Variants in LRRIQ3 observed in about 807,000 individuals in gnomAD.
LRRIQ3 encodes leucine rich repeats and IQ motif containing 3, also known as leucine-rich repeat and IQ domain-containing protein 3.
A neutral mutation model predicts 59.3 loss-of-function variants in LRRIQ3; 75 were observed. That is an observed-to-expected ratio of 1.26 (90% CI 1.05 to 1.53). The LOEUF is 1.53. Among genes scored for constraint, LRRIQ3 ranks in the 40% most tolerant of loss-of-function variants. The probability of loss-of-function intolerance (pLI) is 0.00; values close to 1 mark genes in which losing one functional copy is unlikely to be tolerated. For synonymous variants in LRRIQ3, 250 were observed against 231.3 expected (o/e 1.08, Z -0.73); for missense variants, 831 against 710.0 (o/e 1.17, Z -1.94).
intron 7 of LRRIQ3, 68 bp downstream of exon 7, chr1:74,041,144 TA>T (rs1654031249): frequency 7.7e-7 from 1 of 1,295,130 alleles, no homozygotes; most frequent in Non-Finnish European, 1.1e-6. Context: ...TATTAGGTCT[TA>T]AAATTTAGCA....
chr1:74,162,164 A>G (rs1011580459), intron 3 of LRRIQ3, among the ~76,000 whole-genome samples: 1 of 151,878 alleles, frequency 6.6e-6, no homozygotes, highest in Non-Finnish European at 1.5e-5. Flanking sequence ...TTTTATAGCA[A>G]TACTTAAAAT....
chr1:74,176,056 T>C (rs1405372492), intron 3 of LRRIQ3, among the ~76,000 whole-genome samples: 2 of 152,198 alleles, frequency 1.3e-5, no homozygotes, highest in African/African-American at 2.4e-5. Flanking sequence ...TTGCTTACCA[T>C]GTTCTTTCTT....
At chr1:74,037,781 C>G (rs141355053) in intron 7 of LRRIQ3, among the ~76,000 whole-genome samples, 1 of 152,316 alleles carries the variant, frequency 6.6e-6, no homozygotes, top group Non-Finnish European at 1.5e-5. Context: ...AGCCCCCACA[C>G]CCCAGTCAAG....
chr1:74,097,042 CCA>C (rs1646458962), intron 5 of LRRIQ3, among the ~76,000 whole-genome samples: 1 of 152,086 alleles, frequency 6.6e-6, no homozygotes, highest in Non-Finnish European at 1.5e-5. Context: ...ATCTCAAACT[CCA>C]TGCTGGGAGA....
chr1:74,105,188 C>G (rs1486243120), intron 5 of LRRIQ3, among the ~76,000 whole-genome samples: 1 of 151,504 alleles, frequency 6.6e-6, no homozygotes, highest in Non-Finnish European at 1.5e-5. Flanking sequence ...ACTATGAACA[C>G]TATTAATATC....
rs116029170 is a variant in LRRIQ3 at position 74,093,065 on chromosome 1, T to C, written c.867+16329A>G. Among the ~76,000 whole-genome samples, 473 of 151,994 alleles carry C rather than the reference T, an allele frequency of 3.1e-3. 2 individuals carry two copies. The highest frequency in any genetic ancestry group is 0.011 in the African/African-American group (462 of 41,500). ...CAAGATCTTTCTACTTGCTTAAGGATAGAAACTACTGACATCAAATAAATC... is the reference window on the plus strand; with the variant it reads ...CAAGATCTTTCTACTTGCTTAAGGACAGAAACTACTGACATCAAATAAATC... On this transcript the variant is annotated intron_variant, in intron 5 of 7. Transcript: ENST00000354431.
At chr1:74,108,192 A>G (rs1646640278) in intron 5 of LRRIQ3, among the ~76,000 whole-genome samples, 1 of 152,030 alleles carries the variant, frequency 6.6e-6, no homozygotes, top group Non-Finnish European at 1.5e-5. Flanking sequence ...TTATCAGTAT[A>G]CTGATATCAT....
At chr1:74,196,626 C>A (rs1312527274) in intron 1 of LRRIQ3, among the ~76,000 whole-genome samples, 1 of 152,170 alleles carries the variant, frequency 6.6e-6, no homozygotes, top group African/African-American at 2.4e-5. Context: ...GGAAACTTAC[C>A]CATCTTAATT....
At chr1:74,076,186 C>T (rs563092229) in intron 5 of LRRIQ3, among the ~76,000 whole-genome samples, 15 of 152,148 alleles carry the variant, frequency 9.9e-5, no homozygotes, top group African/African-American at 3.4e-4. Flanking sequence ...AAAACTTTCT[C>T]GGGATATGAT....
intron 6 of LRRIQ3, among the ~76,000 whole-genome samples, chr1:74,071,903 A>G (rs2100471695): frequency 6.6e-6 from 1 of 152,162 alleles, no homozygotes; most frequent in Admixed American, 6.6e-5. Flanking sequence ...AAGTTTTGCC[A>G]ACTTTGAAAG....
In LRRIQ3 at chr1:74,026,598, C is replaced by G. The variant is rs1016830618; in HGVS notation, c.*215G>C. The stretch of plus-strand genomic sequence containing the variant: ...TTTAATTGTTCCTTAGGCATCTGAT[C>G]TAAGAAATTTTTCAGAGGTGCTAAG... On this transcript the variant is annotated 3_prime_UTR_variant, in exon 8 of 8. Transcript: ENST00000354431. 2 of 411,760 alleles carry G rather than the reference C, an allele frequency of 4.9e-6. No individual in the cohort carries two copies. The highest frequency in any genetic ancestry group is 8.5e-6 in the Non-Finnish European group (2 of 234,294). The allele number at this position is 411,760 out of a possible 1,614,324, so 25.5% of individuals were successfully genotyped here. A position where few individuals can be genotyped will look rare whatever the true frequency, so the allele number is the denominator to read the frequency against.
intron 4 of LRRIQ3, among the ~76,000 whole-genome samples, chr1:74,109,996 G>C (rs911282874): frequency 1.3e-5 from 2 of 151,500 alleles, no homozygotes; most frequent in East Asian, 3.9e-4. Context: ...ATATACTCTA[G>C]AGCAGTATGT....
intron 4 of LRRIQ3, among the ~76,000 whole-genome samples, chr1:74,112,745 A>G (rs1424979847): frequency 6.6e-6 from 1 of 152,158 alleles, no homozygotes; most frequent in African/African-American, 2.4e-5. Context: ...CTGAGGAGCA[A>G]TATCAGAGGC....
intron 4 of LRRIQ3, among the ~76,000 whole-genome samples, chr1:74,119,519 C>A (rs756748187): frequency 2.8e-4 from 42 of 152,020 alleles, no homozygotes; most frequent in Middle Eastern, 3.2e-3. Flanking sequence ...ACAGTCTCCC[C>A]CACAACAACG....
intron 4 of LRRIQ3, among the ~76,000 whole-genome samples, chr1:74,153,344 A>C (rs1321893046): frequency 6.6e-6 from 1 of 152,206 alleles, no homozygotes; most frequent in African/African-American, 2.4e-5. Flanking sequence ...AAAGTTAAAA[A>C]TTTCAAAGTA....
intron 3 of LRRIQ3, among the ~76,000 whole-genome samples, chr1:74,174,193 AGAG>A (rs1291011045): frequency 6.6e-6 from 1 of 152,038 alleles, no homozygotes; most frequent in African/African-American, 2.4e-5. Flanking sequence ...TCAGTCCCAT[AGAG>A]TTTCTTCACA....
chr1:74,143,426 T>C (rs578145795), intron 4 of LRRIQ3, among the ~76,000 whole-genome samples: 5 of 151,982 alleles, frequency 3.3e-5, no homozygotes, highest in Admixed American at 2.6e-4. Context: ...ATCTGTACTT[T>C]GTCGTAACAG....
chr1:74,143,679 A>T (rs1466521823), intron 4 of LRRIQ3, among the ~76,000 whole-genome samples: 1 of 151,608 alleles, frequency 6.6e-6, no homozygotes, highest in Non-Finnish European at 1.5e-5. Flanking sequence ...CACACTCAGC[A>T]TTCAGAATTA....
At chr1:74,117,317 A>C (rs1265350284) in intron 4 of LRRIQ3, among the ~76,000 whole-genome samples, 1 of 152,176 alleles carries the variant, frequency 6.6e-6, no homozygotes, top group Non-Finnish European at 1.5e-5. Flanking sequence ...CATTTCATTA[A>C]ATAAAGACTT....
Sources: gnomAD v4.1 joint callset for allele counts (sites outside exome capture counted in the v4.1 genomes callset) on GRCh38, gnomAD v4.1.1 for gene constraint, MANE v1.5 for transcripts, NCBI Gene and HGNC (gene_info 2026-07-23, HGNC 2026-07-21) for gene names.